LIMD1: variants seen among roughly 807,000 people sequenced by gnomAD.
LIMD1 encodes the protein LIM domain-containing protein 1.
LIMD1 carries 23 observed loss-of-function variants against 58.4 expected under a neutral mutation model. That is an observed-to-expected ratio of 0.39 (90% CI 0.28 to 0.56). The LOEUF is 0.56. Among genes scored for constraint, LIMD1 ranks in the 20% least tolerant of loss-of-function variants. LIMD1 has a pLI of 0.57. For synonymous variants in LIMD1, 334 were observed against 345.5 expected (o/e 0.97, Z 0.37); for missense variants, 838 against 855.5 (o/e 0.98, Z 0.25).
chr3:45,648,193 T>C (rs1701926384), intron 2 of LIMD1, among the ~76,000 whole-genome samples: 1 of 152,202 alleles, frequency 6.6e-6, no homozygotes, highest in Non-Finnish European at 1.5e-5. Context: ...GAATAAATGT[T>C]GGAATAAATA....
intron 2 of LIMD1, among the ~76,000 whole-genome samples, chr3:45,663,868 A>ATTTTTTTTTTTTATTTTT (rs1697475648): frequency 9.7e-6 from 1 of 102,896 alleles, no homozygotes. Context: ...TGCCTGGCTA[A>ATTTTTTTTTTTTATTTTT]TTTTTTTTTT....
chr3:45,636,899 A>T (rs907733054), intron 2 of LIMD1, among the ~76,000 whole-genome samples: 24 of 152,222 alleles, frequency 1.6e-4, no homozygotes, highest in African/African-American at 5.8e-4. Flanking sequence ...AACACATTGC[A>T]TGCTTGCCAA....
Position 45,595,622 on chromosome 3 carries a change from A to T in LIMD1, c.743A>T (p.Asn248Ile). 1.2e-6 allele frequency: 2 copies of T among 1,613,622 alleles called. No individual in the cohort carries two copies. The highest frequency in any genetic ancestry group is 1.7e-6 in the Non-Finnish European group (2 of 1,179,850). ...RSSEGSLGGQ[N>I]SGIGGRSSEK... Reference sequence around the variant, plus strand: ...TCTGAGGGTAGCCTCGGTGGTCAGAATAGTGGCATTGGTGGCCGCAGCAGC... The same window carrying T: ...TCTGAGGGTAGCCTCGGTGGTCAGATTAGTGGCATTGGTGGCCGCAGCAGC... The change falls in exon 1 of 8, where the codon AAT (asparagine) becomes ATT (isoleucine). Residue 248 changes from asparagine to isoleucine, a missense_variant. Coordinates refer to ENST00000273317, the MANE Select transcript of LIMD1 (RefSeq NM_014240.3).
chr3:45,610,080 TACTC>T (rs1196664983), intron 1 of LIMD1, among the ~76,000 whole-genome samples: 2 of 152,112 alleles, frequency 1.3e-5, no homozygotes, highest in Non-Finnish European at 2.9e-5. Flanking sequence ...TAATCCCAGC[TACTC>T]GGGAGGCTGA....
intron 2 of LIMD1, among the ~76,000 whole-genome samples, chr3:45,644,012 G>C (rs78299269): frequency 0.03 from 4,606 of 152,292 alleles, 75 homozygotes; most frequent in Non-Finnish European, 0.041. Context: ...AATGTCCATG[G>C]CTGTTGAAGA....
In LIMD1 at chr3:45,596,931, G is replaced by A. The variant is rs1430495774; in HGVS notation, c.1408+644G>A. On this transcript the variant is annotated intron_variant, in intron 1 of 7. Transcript: ENST00000273317. ...GGCTAGAGTGCAGTGGCACAATCTC[G>A]GCTCACTGCAACCTCCGCCTCCCGG... Among the ~76,000 whole-genome samples the A allele has an allele frequency of 6.1e-5, 9 of 148,652 alleles. No individual in the cohort carries two copies. In the South Asian group the frequency reaches 1.1e-3, roughly 18 times the overall value.
At chr3:45,621,700 T>C (rs5017952) in intron 1 of LIMD1, among the ~76,000 whole-genome samples, 147,138 of 152,266 alleles carry the variant, frequency 0.97, 71,123 homozygotes, top group East Asian at 1. Flanking sequence ...AGTAGTTTTG[T>C]ACATTCTTTC....
At chr3:45,643,780 T>A (rs1308546880) in intron 2 of LIMD1, among the ~76,000 whole-genome samples, 1 of 152,226 alleles carries the variant, frequency 6.6e-6, no homozygotes, top group Non-Finnish European at 1.5e-5. Context: ...TTACGCCTAG[T>A]GCAGGTCCGA....
chr3:45,629,412 CAAAAAAAAA>C (rs57306025), intron 1 of LIMD1, among the ~76,000 whole-genome samples: 4 of 97,578 alleles, frequency 4.1e-5, no homozygotes, highest in Non-Finnish European at 6.5e-5. Context: ...ACTCTTGTCT[CAAAAAAAAA>C]AAAAAAAAAG....
chr3:45,649,740 T>TA (rs1701945485), intron 2 of LIMD1, among the ~76,000 whole-genome samples: 1 of 145,776 alleles, frequency 6.9e-6, no homozygotes, highest in African/African-American at 2.5e-5. Context: ...ATAGATATAT[T>TA]TATATATAAT....
intron 2 of LIMD1, among the ~76,000 whole-genome samples, chr3:45,647,619 G>A (rs567104766): frequency 3.9e-5 from 6 of 152,312 alleles, no homozygotes; most frequent in African/African-American, 9.6e-5. Flanking sequence ...TGGGCAGAGC[G>A]TCTCTGTCTC....
chr3:45,604,910 T>C (rs551845901), intron 1 of LIMD1, among the ~76,000 whole-genome samples: 1 of 152,346 alleles, frequency 6.6e-6, no homozygotes, highest in South Asian at 2.1e-4. Context: ...TCCTGCTCTT[T>C]CCATTAACAG....
At chr3:45,656,520 T>C (rs1191652866) in intron 2 of LIMD1, among the ~76,000 whole-genome samples, 1 of 151,522 alleles carries the variant, frequency 6.6e-6, no homozygotes, top group Non-Finnish European at 1.5e-5. Flanking sequence ...TTTTTCTTTT[T>C]CTTTCTTTTT....
intron 2 of LIMD1, among the ~76,000 whole-genome samples, chr3:45,654,561 G>A (rs1296571532): frequency 6.6e-6 from 1 of 152,040 alleles, no homozygotes; most frequent in African/African-American, 2.4e-5. Flanking sequence ...CCTGCAGGTG[G>A]CTCACACCTG....
intron 2 of LIMD1, among the ~76,000 whole-genome samples, chr3:45,643,714 G>T (rs887555314): frequency 6.6e-6 from 1 of 152,208 alleles, no homozygotes; most frequent in African/African-American, 2.4e-5. Flanking sequence ...GGAGCAGGGG[G>T]GTGCCCACCT....
intron 2 of LIMD1, among the ~76,000 whole-genome samples, chr3:45,642,278 C>T (rs924386236): frequency 2.6e-5 from 4 of 151,868 alleles, no homozygotes; most frequent in African/African-American, 4.8e-5. Context: ...TGGGCTCAGG[C>T]GATCCTCCTG....
At chr3:45,659,246 C>T (rs2125666652) in intron 2 of LIMD1, among the ~76,000 whole-genome samples, 1 of 152,252 alleles carries the variant, frequency 6.6e-6, no homozygotes. Context: ...GTGGTATCTG[C>T]AAATTACTGA....
At chr3:45,643,454 C>T (rs1205066065) in intron 2 of LIMD1, among the ~76,000 whole-genome samples, 2 of 150,968 alleles carry the variant, frequency 1.3e-5, no homozygotes, top group African/African-American at 4.9e-5. Context: ...CACTGTACTC[C>T]ATCCTGGGCG....
Position 45,626,809 on chromosome 3 carries a change from G to C in LIMD1, c.1409-9341G>C, listed in dbSNP as rs186700053. On this transcript the variant is annotated intron_variant, in intron 1 of 7. Transcript: ENST00000273317. ...CTCTGGTGGGGGCTGTTGATAGGGA[G>C]GGGGGCTGTGCATGTGTGAGGAAGG... Among the ~76,000 whole-genome samples the C allele has an allele frequency of 1.5e-3, 226 of 151,776 alleles. 1 individual carries two copies. Among genetic ancestry groups the C allele is most frequent in the African/African-American group, 5.2e-3 (213 of 41,332 alleles).
Sources: allele counts gnomAD v4.1 joint callset (sites outside exome capture counted in the v4.1 genomes callset), GRCh38; gene constraint gnomAD v4.1.1; transcripts MANE v1.5; gene names NCBI Gene and HGNC (gene_info 2026-07-23, HGNC 2026-07-21).